Variants in ZER1 observed in about 807,000 individuals in gnomAD.
The protein encoded by ZER1 is protein zer-1 homolog.
ZER1 carries 11 observed loss-of-function variants against 78.8 expected under a neutral mutation model. The observed-to-expected ratio is 0.14, with a 90% CI of 0.09 to 0.23. The LOEUF is 0.23. Among genes scored for constraint, ZER1 ranks in the 10% least tolerant of loss-of-function variants. The probability of loss-of-function intolerance (pLI) is 1.00; values close to 1 mark genes in which losing one functional copy is unlikely to be tolerated. For missense variants in ZER1, 588 were observed against 996.9 expected, an observed-to-expected ratio of 0.59 and a Z score of 5.52; for synonymous variants, 400 against 407.0, an observed-to-expected ratio of 0.98 and a Z score of 0.21.
Position 128,752,788 on chromosome 9 carries a change from C to T in ZER1, c.808G>A (p.Val270Met). 1 of 1,614,188 alleles carries T rather than the reference C, an allele frequency of 6.2e-7. No individual in the cohort carries two copies. Among genetic ancestry groups the T allele is most frequent in the South Asian group, 1.1e-5 (1 of 91,090 alleles). ...SYYKFKLTRE[V>M]LSLFVQKLGN... ...AGCTTCTGCACAAAGAGGCTCAGCA[C>T]CTCCCGAGTCAGCTTGAACTTGTAG... The change falls in exon 5 of 16, where the codon GTG becomes ATG. Residue 270 changes from valine (V) to methionine (M), a missense_variant. Val to Met is a conservative substitution (Grantham distance 21). Transcript: ENST00000291900.
chr9:128,730,206 T>G lies in ZER1; in HGVS notation c.*1131A>C, dbSNP rs1862765891. 6.5e-6 allele frequency: 1 copy of G among 152,946 alleles called. No homozygotes were observed. Among genetic ancestry groups the G allele is most frequent in the Non-Finnish European group, 1.5e-5 (1 of 68,354 alleles). 9.5% of individuals were successfully genotyped at this position (152,946 alleles called of 1,614,324 possible). ...CCGATGAGAAGCAATGCAGTGTCCA[T>G]CGATGGAGGAGCAAGAGAGCCGGCG... On this transcript the variant is annotated 3_prime_UTR_variant, in exon 16 of 16. Transcript: ENST00000291900.
chr9:128,763,807 G>C (rs1478788552), intron 1 of ZER1, among the ~76,000 whole-genome samples: 1 of 152,156 alleles, frequency 6.6e-6, no homozygotes, highest in Non-Finnish European at 1.5e-5. Flanking sequence ...GGCCAACATG[G>C]TGAAACTCCG....
chr9:128,739,866 G>T, intron 13 of ZER1, 65 bp downstream of exon 13: 6 of 1,544,694 alleles, frequency 3.9e-6, no homozygotes, highest in Non-Finnish European at 5.3e-6. Context: ...TTAATGGTAT[G>T]AGCATCCTGC....
chr9:128,740,032 C>T lies in ZER1; in HGVS notation c.1941G>A (p.Glu647=), dbSNP rs1863236118. ...VLSHIMFDGP[E]AWGVCEPQRE... The stretch of plus-strand genomic sequence containing the variant: ...GCTGGGGCTCACAGACGCCCCAGGC[C>T]TCGGGTCCATCAAACATGATGTGGG... Residue 647 remains glutamate (E), a synonymous_variant, in exon 13 of 16, where the codon GAG becomes GAA. Transcript: ENST00000291900. This position sits in a 1 kb window ranked among gnomAD's most constrained non-coding sequence, Gnocchi z 4.4. 1.2e-6 allele frequency: 2 copies of T among 1,613,986 alleles called. No homozygotes were observed. Among genetic ancestry groups the T allele is most frequent in the Non-Finnish European group, 1.7e-6 (2 of 1,179,994 alleles).
At chr9:128,763,847 G>A (rs1425362695) in intron 1 of ZER1, among the ~76,000 whole-genome samples, 2 of 152,176 alleles carry the variant, frequency 1.3e-5, no homozygotes, top group Admixed American at 1.3e-4. Context: ...AATAAGCTGG[G>A]CTGGTGGCGC....
intron 9 of ZER1, 23 bp from the exon 10 acceptor site, chr9:128,741,864 G>C: frequency 6.2e-7 from 1 of 1,614,186 alleles, no homozygotes; most frequent in Non-Finnish European, 8.5e-7. Flanking sequence ...ACAAGAGTCT[G>C]CTAGAGTGCT....
In ZER1 at chr9:128,753,438, C is replaced by G. The variant is rs1486470998; in HGVS notation, c.472G>C (p.Val158Leu). Reference sequence around the variant, plus strand: ...ACCAGCACCTGGCAGGTGGGGTTGACGAGGTACTCATCTTCACAGCCCCCT... The same window carrying G: ...ACCAGCACCTGGCAGGTGGGGTTGAGGAGGTACTCATCTTCACAGCCCCCT... Reference protein sequence around the residue: ...NPGGCEDEYLVNPTCQVLVKD... With the variant: ...NPGGCEDEYLLNPTCQVLVKD... Residue 158 changes from valine to leucine, a missense_variant, in exon 4 of 16, where the codon GTC (valine) becomes CTC (leucine). Around this residue, in one of 3 missense-constraint regions of ZER1, gnomAD observed 406 missense variants for 660.1 expected, o/e 0.62. Coordinates refer to ENST00000291900, the MANE Select transcript of ZER1 (RefSeq NM_006336.4). This position sits in a 1 kb window ranked among gnomAD's most constrained non-coding sequence, Gnocchi z 7.5. 3.7e-6 allele frequency: 6 copies of G among 1,614,054 alleles called. No homozygotes were observed. In the Admixed American group the frequency reaches 6.7e-5, roughly 18 times the overall value.
chr9:128,734,144 A>ATATATATATATATAT (rs1554784814), intron 14 of ZER1, among the ~76,000 whole-genome samples: 1 of 14,440 alleles, frequency 6.9e-5, no homozygotes, highest in Non-Finnish European at 1.4e-4. Flanking sequence ...AAAAAAAAAA[A>ATATATATATATATAT]ATATATATAT....
In ZER1 at chr9:128,754,300, G is replaced by A. The variant is rs549729521; in HGVS notation, c.159-341C>T. 5.3e-5 allele frequency among the ~76,000 whole-genome samples: 8 copies of A among 152,246 alleles called. No homozygotes were observed. In the South Asian group the frequency reaches 1.7e-3, roughly 32 times the overall value. ...GTCACCTTCTTTAAGCCCCTCCTGC[G>A]ACCCTTTTAAACAGGCAAACTAAGC... On this transcript the variant is annotated intron_variant, in intron 2 of 15. Coordinates refer to ENST00000291900, the MANE Select transcript of ZER1 (RefSeq NM_006336.4). The surrounding 1 kb of genome is among the most constrained non-coding windows in gnomAD (Gnocchi z 4.3).
At position 128,733,459 on chromosome 9, in the gene ZER1, G is replaced by C. The variant is rs145832178; in HGVS notation, c.2210C>G (p.Ala737Gly). The C allele has an allele frequency of 6.2e-7, 1 of 1,613,814 alleles. No homozygotes were observed. Among genetic ancestry groups the C allele is most frequent in the East Asian group, 2.2e-5 (1 of 44,866 alleles). ...TTCCTTGGTCTCCTGCCGTGCGGTC[G>C]CCATCTTAATTATGTCCCTCAGAAG... ...MPLLRDIIKMATARQETKEMA... is the reference protein window; with the variant it reads ...MPLLRDIIKMGTARQETKEMA... The change falls in exon 15 of 16, where the codon GCG (alanine) becomes GGG (glycine). Residue 737 changes from alanine to glycine, a missense_variant. By Grantham distance (60) the Ala-to-Gly change is moderately conservative. This residue lies in a region of ZER1 where 122 missense variants were observed against 173.5 expected (regional missense o/e 0.70). Coordinates refer to ENST00000291900, the MANE Select transcript of ZER1 (RefSeq NM_006336.4).
At chr9:128,745,140 C>G (rs1863442847) in intron 8 of ZER1, among the ~76,000 whole-genome samples, 1 of 151,280 alleles carries the variant, frequency 6.6e-6, no homozygotes, top group South Asian at 2.1e-4. Flanking sequence ...TCCAGTTGCT[C>G]TACATCCTCA....
At position 128,753,314 on chromosome 9, in the gene ZER1, T is replaced by C. The variant is rs1311062072; in HGVS notation, c.596A>G (p.Asn199Ser). 1 of 1,612,722 alleles carries C rather than the reference T, an allele frequency of 6.2e-7. No homozygotes were observed. The highest frequency in any genetic ancestry group is 2.2e-5 in the East Asian group (1 of 44,864). Residue 199 changes from asparagine (N) to serine (S), a missense_variant, in exon 4 of 16, where the codon AAC becomes AGC. Asn to Ser is a conservative substitution (Grantham distance 46, BLOSUM62 1). Coordinates refer to ENST00000291900, the MANE Select transcript of ZER1 (RefSeq NM_006336.4). This position sits in a 1 kb window ranked among gnomAD's most constrained non-coding sequence, Gnocchi z 7.5. Reference protein sequence around the residue: ...VPVESLLRPLNSLAALDLSGI... With the variant: ...VPVESLLRPLSSLAALDLSGI... ...TGAGAGGTCCAAGGCAGCCAGGGAG[T>C]TAAGCGGCCGCAGCAGGGACTCCAC...
rs2132415969 is a variant in ZER1, at chr9:128,742,748, G to A, written c.1360-3C>T. The A allele has an allele frequency of 1.2e-6, 2 of 1,601,180 alleles. No individual in the cohort carries two copies. Among genetic ancestry groups the A allele is most frequent in the South Asian group, 1.1e-5 (1 of 89,652 alleles). On this transcript the variant is annotated splice_polypyrimidine_tract_variant and splice_region_variant and intron_variant, in intron 8 of 15. Coordinates refer to ENST00000291900, the MANE Select transcript of ZER1 (RefSeq NM_006336.4). ...GTCAGGCAGCAGTTCCGCTGCACCT[G>A]GGCCGGGACAGGACACAAGTGGGGC... is the stretch of plus-strand genomic sequence containing the variant.
intron 1 of ZER1, among the ~76,000 whole-genome samples, chr9:128,763,478 C>T (rs944044458): frequency 6.6e-6 from 1 of 152,352 alleles, no homozygotes; most frequent in African/African-American, 2.4e-5. Flanking sequence ...CACTCAGTCC[C>T]TGCTGAGCAC....
chr9:128,746,965 G>C (rs1863513526), intron 8 of ZER1, among the ~76,000 whole-genome samples: 1 of 152,042 alleles, frequency 6.6e-6, no homozygotes, highest in Admixed American at 6.6e-5. Flanking sequence ...GAAGGGGCAG[G>C]TGGGCAGGTC....
Position 128,754,583 on chromosome 9 carries a change from G to A in ZER1, c.159-624C>T, listed in dbSNP as rs1256333542. ...GTGTCCAACCTAAAGCCTGACCCAC[G>A]GTAAATGCTCAGGACGTTATTACAG... On this transcript the variant is annotated intron_variant, in intron 2 of 15. Transcript: ENST00000291900. This position sits in a 1 kb window ranked among gnomAD's most constrained non-coding sequence, Gnocchi z 4.3. Among the ~76,000 whole-genome samples the A allele has an allele frequency of 2.0e-5, 3 of 152,108 alleles. No homozygotes were observed. The highest frequency in any genetic ancestry group is 1.3e-4 in the Admixed American group (2 of 15,250).
At chr9:128,747,342 A>G (rs1489129544) in intron 8 of ZER1, among the ~76,000 whole-genome samples, 1 of 151,832 alleles carries the variant, frequency 6.6e-6, no homozygotes. Context: ...ACAGCAACCT[A>G]AATTATTTGG....
In ZER1 at chr9:128,751,160, G is replaced by A. The variant is rs868517590; in HGVS notation, c.1147C>T (p.Arg383Cys). The change falls in exon 7 of 16, where the codon CGC becomes TGC. Residue 383 changes from arginine to cysteine, a missense_variant. Coordinates refer to ENST00000291900, the MANE Select transcript of ZER1 (RefSeq NM_006336.4). This position sits in a 1 kb window ranked among gnomAD's most constrained non-coding sequence, Gnocchi z 5.4. ...AGCAGCTGGTTGCAACGCTCGATGC[G>A]GGCGATGTCAAAAAGCAAGTTGATG... is the stretch of plus-strand genomic sequence containing the variant. The part of the protein sequence containing the change: ...RAINLLFDIA[R>C]IERCNQLLRA... The A allele has an allele frequency of 1.2e-6, 2 of 1,604,780 alleles. No homozygotes were observed.
Position 128,736,909 on chromosome 9 carries a change from T to C in ZER1, c.2043-1478A>G, listed in dbSNP as rs1230680468. On this transcript the variant is annotated intron_variant, in intron 13 of 15. Coordinates refer to ENST00000291900, the MANE Select transcript of ZER1 (RefSeq NM_006336.4). Reference sequence around the variant, plus strand: ...CTGTAATCCTAGCACTTTGGGAGGCTGAGGGGGGTGGATTGCCTGAGCTCA... The same window carrying C: ...CTGTAATCCTAGCACTTTGGGAGGCCGAGGGGGGTGGATTGCCTGAGCTCA... 3.9e-5 allele frequency among the ~76,000 whole-genome samples: 6 copies of C among 152,052 alleles called. No homozygotes were observed. In the South Asian group the frequency reaches 8.3e-4, roughly 21 times the overall value.
Sources: allele counts gnomAD v4.1 joint callset (sites outside exome capture counted in the v4.1 genomes callset), GRCh38; gene constraint gnomAD v4.1.1; regional missense constraint gnomAD v4.1.1; non-coding constraint Gnocchi (gnomAD v3.1); transcripts MANE v1.5; gene names NCBI Gene and HGNC (gene_info 2026-07-23, HGNC 2026-07-21).